The following DNAH2 variants were observed in gnomAD, a reference collection of about 807,000 sequenced individuals.
DNAH2 encodes the protein dynein axonemal heavy chain 2, also known as axonemal beta dynein heavy chain 2.
DNAH2 carries 323 observed loss-of-function variants against 523.5 expected under a neutral mutation model. That is an observed-to-expected ratio of 0.62 (90% confidence interval 0.56 to 0.68). The LOEUF (loss-of-function observed/expected upper bound fraction) is 0.68, where lower values mean the gene tolerates loss of function less well. DNAH2 is among the 30% of genes least tolerant of loss of function. The probability of loss-of-function intolerance (pLI) is 0.00; values close to 1 mark genes in which losing one functional copy is unlikely to be tolerated. For synonymous variants in DNAH2, 2,093 were observed against 2,177.4 expected, an observed-to-expected ratio of 0.96 and a Z score of 1.08; for missense variants, 4,907 against 5,701.5, an observed-to-expected ratio of 0.86 and a Z score of 4.49.
At position 7,723,755 on chromosome 17, in the gene DNAH2, G is replaced by C. The variant is rs902091664; in HGVS notation, c.228+66G>C. On this transcript the variant is annotated intron_variant, in intron 3 of 85. Coordinates refer to ENST00000572933, the MANE Select transcript of DNAH2 (RefSeq NM_020877.5). ...AAACTGGTGAATCAAAGGATCAGTT[G>C]TGGATGGCACATGAGGAATTCTCTC... 3.0e-5 allele frequency: 42 copies of C among 1,377,840 alleles called. No individual in the cohort carries two copies. In the Admixed American group the frequency reaches 6.9e-4, roughly 23 times the overall value. The allele number at this position is 1,377,840 out of a possible 1,614,324, so 85.4% of individuals were successfully genotyped here.
intron 64 of DNAH2, 151 bp downstream of exon 64, chr17:7,816,886 C>T: frequency 1.0e-6 from 1 of 979,232 alleles, no homozygotes; most frequent in East Asian, 2.6e-5. Context: ...CTTCCCCTCC[C>T]CCTGCACACC....
intron 65 of DNAH2, 67 bp from the exon 66 acceptor site, chr17:7,817,494 C>T (rs2151323332): frequency 6.2e-7 from 1 of 1,613,428 alleles, no homozygotes; most frequent in Non-Finnish European, 8.5e-7. Context: ...TTAAGAGATA[C>T]CGTGAAGGCG....
At chr17:7,723,872 C>T (rs530018929) in intron 3 of DNAH2, among the ~76,000 whole-genome samples, 183 bp downstream of exon 3, 2 of 152,210 alleles carry the variant, frequency 1.3e-5, no homozygotes, top group Non-Finnish European at 2.9e-5. Flanking sequence ...TCTGTGCCTT[C>T]GCCAGGACAG....
Position 7,821,968 on chromosome 17 carries a change from A to C in DNAH2, c.11142+599A>C. ...CTTCACTTCCTGCCTCCCACCCCAA[A>C]CTCTCAACACAGCAACCAGAGAGGT... is the stretch of plus-strand genomic sequence containing the variant. On this transcript the variant is annotated intron_variant, in intron 73 of 85. Coordinates refer to ENST00000572933, the MANE Select transcript of DNAH2 (RefSeq NM_020877.5). The surrounding 1 kb of genome is among the most constrained non-coding windows in gnomAD (Gnocchi z 5.0). Among the ~76,000 whole-genome samples the C allele has an allele frequency of 6.6e-6, 1 of 150,870 alleles. No homozygotes were observed. Among genetic ancestry groups the C allele is most frequent in the South Asian group, 2.1e-4 (1 of 4,762 alleles).
rs1294902357 is a variant in DNAH2, at chr17:7,765,454, A to G, written c.3400A>G (p.Ser1134Gly). The change falls in exon 21 of 86, where the codon AGT becomes GGT. Residue 1134 changes from serine to glycine, a missense_variant. Coordinates refer to ENST00000572933, the MANE Select transcript of DNAH2 (RefSeq NM_020877.5). ...WVVFQQTLLD[S>G]KQMLKKHKEK... ...TGTCTTCCAACAAACTCTGCTGGAC[A>G]GTAAGCAAATGCTGAAGAAACACAA... The G allele has an allele frequency of 1.7e-5, 28 of 1,614,164 alleles. No individual in the cohort carries two copies. The highest frequency in any genetic ancestry group is 2.3e-5 in the Non-Finnish European group (27 of 1,180,060).
intron 56 of DNAH2, among the ~76,000 whole-genome samples, chr17:7,800,298 G>A (rs769066854): frequency 3.9e-5 from 6 of 152,024 alleles, no homozygotes; most frequent in Non-Finnish European, 7.4e-5. Flanking sequence ...TGATCCACCC[G>A]CCTTGGCATC....
At chr17:7,753,576 G>T (rs777625864) in intron 12 of DNAH2, among the ~76,000 whole-genome samples, 1 of 152,178 alleles carries the variant, frequency 6.6e-6, no homozygotes, top group Non-Finnish European at 1.5e-5. Flanking sequence ...GAAAGGAAGG[G>T]CAGAAAAGAG....
At chr17:7,745,138 G>A (rs2151165459) in intron 12 of DNAH2, among the ~76,000 whole-genome samples, 1 of 152,152 alleles carries the variant, frequency 6.6e-6, no homozygotes, top group African/African-American at 2.4e-5. Context: ...GGGATTACAG[G>A]CGCCCGCCAC....
chr17:7,760,491 A>C lies in DNAH2; in HGVS notation c.2786-249A>C, dbSNP rs1461058119. On this transcript the variant is annotated intron_variant, in intron 17 of 85. Transcript: ENST00000572933. The surrounding 1 kb of genome is among the most constrained non-coding windows in gnomAD (Gnocchi z 4.0). ...GGAGATGAGGAAAGACAAGCTTGGGACTGGGACTGGGACTGGCCTGTAAGA... is the reference window on the plus strand; with the variant it reads ...GGAGATGAGGAAAGACAAGCTTGGGCCTGGGACTGGGACTGGCCTGTAAGA... Among the ~76,000 whole-genome samples the C allele has an allele frequency of 2.0e-5, 3 of 152,104 alleles. No homozygotes were observed.
At chr17:7,775,110 A>G in intron 29 of DNAH2, 131 bp from the exon 30 acceptor site, 1 of 1,238,230 alleles carries the variant, frequency 8.1e-7, no homozygotes, top group South Asian at 1.4e-5. Flanking sequence ...TCAGGGGGAT[A>G]GAACTTCTTA....
At position 7,819,040 on chromosome 17, in the gene DNAH2, A is replaced by G; in HGVS notation, c.10792A>G (p.Ile3598Val). Residue 3598 changes from isoleucine to valine, a missense_variant, in exon 71 of 86, where the codon ATC becomes GTC. Around this residue, in one of 3 missense-constraint regions of DNAH2, gnomAD observed 1,851 missense variants for 2,139.4 expected, o/e 0.87. Coordinates refer to ENST00000572933, the MANE Select transcript of DNAH2 (RefSeq NM_020877.5). Reference protein sequence around the residue: ...EQLETSETTEINTDLAREAYR... With the variant: ...EQLETSETTEVNTDLAREAYR... ...GCTGGAGACCAGTGAGACCACAGAG[A>G]TCAACACTGACTTGGCGCGGGAGGT... 6.2e-7 allele frequency: 1 copy of G among 1,608,240 alleles called. No homozygotes were observed. The highest frequency in any genetic ancestry group is 1.1e-5 in the South Asian group (1 of 90,938).
At chr17:7,791,866 AC>A in intron 44 of DNAH2, 50 bp from the exon 45 acceptor site, 1 of 1,555,096 alleles carries the variant, frequency 6.4e-7, no homozygotes, top group Non-Finnish European at 8.7e-7. Context: ...TGCCAGATGG[AC>A]CCCTGGTCTC....
chr17:7,719,784 C>T lies in DNAH2; in HGVS notation c.50C>T (p.Ser17Phe). The T allele has an allele frequency of 6.2e-7, 1 of 1,614,170 alleles. No individual in the cohort carries two copies. ...KKQRLSGRGS[S>F]QASWSGRATR... ...CAGCGATTGAGTGGCCGAGGAAGCT[C>T]CCAGGCAAGCTGGTCAGGGCGGGCC... Residue 17 changes from serine to phenylalanine, a missense_variant, in exon 2 of 86, where the codon TCC becomes TTC. Ser to Phe is a radical substitution (Grantham distance 155). This residue lies in a region of DNAH2 where 2,806 missense variants were observed against 3,190.8 expected (regional missense o/e 0.88). Coordinates refer to ENST00000572933, the MANE Select transcript of DNAH2 (RefSeq NM_020877.5).
At chr17:7,723,268 C>T (rs1439245150) in intron 2 of DNAH2, among the ~76,000 whole-genome samples, 39 of 59,898 alleles carry the variant, frequency 6.5e-4, no homozygotes, top group Admixed American at 8.4e-4. Flanking sequence ...CTGTACCCGG[C>T]TTTTTTTTTT....
In DNAH2 at chr17:7,734,652, C is replaced by T. The variant is rs767678872; in HGVS notation, c.922C>T (p.His308Tyr). The change falls in exon 7 of 86, where the codon CAC becomes TAC. Residue 308 changes from histidine to tyrosine, a missense_variant. Transcript: ENST00000572933. ...AGTGAAGCACGTTGAATCCATCCTGCACCTTGCCAAGTCGTCCTACTTGGC... is the reference window on the plus strand; with the variant it reads ...AGTGAAGCACGTTGAATCCATCCTGTACCTTGCCAAGTCGTCCTACTTGGC... Reference protein sequence around the residue: ...KGVKHVESILHLAKSSYLAPF... With the variant: ...KGVKHVESILYLAKSSYLAPF... 6.2e-7 allele frequency: 1 copy of T among 1,613,134 alleles called. No homozygotes were observed. The highest frequency in any genetic ancestry group is 8.5e-7 in the Non-Finnish European group (1 of 1,179,900).
intron 77 of DNAH2, 81 bp downstream of exon 77, chr17:7,824,808 C>G (rs1030882741): frequency 1.6e-6 from 2 of 1,215,262 alleles, no homozygotes; most frequent in Non-Finnish European, 2.2e-6. Context: ...GAGGGCTTAA[C>G]CAACAACAAC....
chr17:7,722,964 C>CTTT (rs559136734), intron 2 of DNAH2, among the ~76,000 whole-genome samples: 91 of 114,690 alleles, frequency 7.9e-4, no homozygotes, highest in East Asian at 1.4e-3. Context: ...CTTTTCTTTC[C>CTTT]TTTTTTTTTT....
In DNAH2 at chr17:7,830,856, G is replaced by A. The variant is rs142411344; in HGVS notation, c.12230+14G>A. On this transcript the variant is annotated intron_variant, in intron 79 of 85. Transcript: ENST00000572933. ...TCCCTTCCACCGGTGAGGGGGAGGT[G>A]GCCCTGGACAGGGAGCCAGAGGTCA... The A allele has an allele frequency of 5.7e-3, 9,271 of 1,613,594 alleles. 31 individuals are homozygous for A. The highest frequency in any genetic ancestry group is 7.1e-3 in the Non-Finnish European group (8,353 of 1,179,806).
intron 12 of DNAH2, among the ~76,000 whole-genome samples, chr17:7,744,293 CAA>C (rs397977899): frequency 6.7e-4 from 25 of 37,102 alleles, no homozygotes; most frequent in African/African-American, 1.9e-3. Context: ...GTCTCCGTCT[CAA>C]AAAAAAAAAA....
Sources: allele counts gnomAD v4.1 joint callset (sites outside exome capture counted in the v4.1 genomes callset), GRCh38; gene constraint gnomAD v4.1.1; regional missense constraint gnomAD v4.1.1; non-coding constraint Gnocchi (gnomAD v3.1); transcripts MANE v1.5; gene names NCBI Gene and HGNC (gene_info 2026-07-23, HGNC 2026-07-21).